The following IRAG2 variants were observed in gnomAD, a reference collection of about 807,000 sequenced individuals.
The protein encoded by IRAG2 is inositol 1,4,5-triphosphate receptor associated 2, also known as lymphoid restricted membrane protein.
In IRAG2, 45 loss-of-function variants were observed where a neutral mutation model predicts 69.9. The observed-to-expected ratio is 0.64, with a 90% CI of 0.51 to 0.83. The LOEUF (loss-of-function observed/expected upper bound fraction) is 0.83, where lower values mean the gene tolerates loss of function less well. Ranked by LOEUF, IRAG2 falls within the 40% of genes least tolerant of loss-of-function variation. The pLI is 0.00. For synonymous variants in IRAG2, 193 were observed against 202.4 expected, an observed-to-expected ratio of 0.95 and a Z score of 0.40; for missense variants, 520 against 587.0, an observed-to-expected ratio of 0.89 and a Z score of 1.18.
intron 9 of IRAG2, among the ~76,000 whole-genome samples, chr12:25,082,997 A>G (rs189351515): frequency 8.9e-4 from 135 of 152,294 alleles, no homozygotes; most frequent in African/African-American, 3.1e-3. Flanking sequence ...CATGTTTTAG[A>G]AGGATATCAT....
rs1591920320 is a variant in IRAG2 at position 25,004,466 on chromosome 12, A to G, written c.125A>G (p.Gln42Arg). 8.9e-6 allele frequency: 11 copies of G among 1,231,996 alleles called. No homozygotes were observed. In the East Asian group the frequency reaches 3.2e-4, roughly 35 times the overall value. The allele number at this position is 1,231,996 out of a possible 1,614,324, so 76.3% of individuals were successfully genotyped here. Residue 42 changes from glutamine (Q) to arginine (R), a missense_variant, in exon 1 of 39, where the codon CAA becomes CGA. By Grantham distance (43) the Gln-to-Arg change is conservative. Coordinates refer to the IRAG2 transcript ENST00000636465. Reference sequence around the variant, plus strand: ...CCAATTCAGCAGATTATCAAATACCAATCTAGCAGTTTTGATAGCCCACAG... The same window carrying G: ...CCAATTCAGCAGATTATCAAATACCGATCTAGCAGTTTTGATAGCCCACAG...
chr12:25,060,327 T>G (rs1945536414), intron 1 of IRAG2, among the ~76,000 whole-genome samples: 1 of 152,230 alleles, frequency 6.6e-6, no homozygotes, highest in South Asian at 2.1e-4. Flanking sequence ...TATGTTATTA[T>G]GTACATCAAA....
chr12:25,037,876 C>T (rs1944714301), intron 15 of IRAG2: 2 of 397,014 alleles, frequency 5.0e-6, no homozygotes, highest in Non-Finnish European at 8.9e-6. Flanking sequence ...TCCAGTATGC[C>T]ATTGAGATGG....
intron 3 of IRAG2, chr12:25,011,641 A>C (rs956381657): frequency 9.2e-6 from 8 of 865,288 alleles, no homozygotes; most frequent in African/African-American, 5.3e-5. Context: ...TGTTGATGGA[A>C]ATACTATTGT....
chr12:25,051,798 C>G (rs1944879355), upstream of IRAG2, among the ~76,000 whole-genome samples: 2 of 152,214 alleles, frequency 1.3e-5, no homozygotes, highest in South Asian at 4.1e-4. Flanking sequence ...AAACAAAGCT[C>G]TCTTTCCTTT....
chr12:25,055,086 C>A (rs1453896617), intron 1 of IRAG2, among the ~76,000 whole-genome samples: 1 of 152,190 alleles, frequency 6.6e-6, no homozygotes, highest in African/African-American at 2.4e-5. Context: ...GTATTTCAGA[C>A]AATTGTTTTC....
intron 6 of IRAG2, among the ~76,000 whole-genome samples, chr12:25,078,402 G>C (rs1946967836): frequency 6.6e-6 from 1 of 152,106 alleles, no homozygotes; most frequent in Non-Finnish European, 1.5e-5. Context: ...TGTTGGTTGT[G>C]ACAGTTAGTA....
At chr12:25,002,644 C>CT (rs747474830), upstream of IRAG2, among the ~76,000 whole-genome samples, 1,645 of 137,736 alleles carry the variant, frequency 0.012, 44 homozygotes, top group African/African-American at 0.04. Flanking sequence ...TCTTCTTCTT[C>CT]TTTTCTTTTT....
chr12:25,027,161 TAA>T (rs1309898673), intron 9 of IRAG2, among the ~76,000 whole-genome samples: 1 of 152,082 alleles, frequency 6.6e-6, no homozygotes, highest in Non-Finnish European at 1.5e-5. Context: ...AAATCAAGTT[TAA>T]AACATTCTCA....
exon 9 of IRAG2, chr12:25,026,804 A>G (rs1442193004): frequency 5.7e-6 from 7 of 1,226,188 alleles, no homozygotes; most frequent in African/African-American, 4.7e-5. Flanking sequence ...CAAGAACATC[A>G]TGGATATAGA....
At position 25,107,058 on chromosome 12, in the gene IRAG2, A is replaced by C. The variant is rs970195715; in HGVS notation, c.1256+8A>C. The C allele has an allele frequency of 1.6e-5, 23 of 1,464,190 alleles. No homozygotes were observed. The highest frequency in any genetic ancestry group is 2.2e-5 in the Non-Finnish European group (23 of 1,052,502). 90.7% of individuals were successfully genotyped at this position (1,464,190 alleles called of 1,614,324 possible). ...GTGGGATGTCTCTTCAGTGTAAGTT[A>C]TCTACTTGATAAATTCTACCATTTT... On this transcript the variant is annotated splice_region_variant and intron_variant, in intron 21 of 21. Coordinates refer to ENST00000556887, the MANE Select transcript of IRAG2 (RefSeq NM_001366544.2).
chr12:25,068,400 G>A (rs530860733), intron 5 of IRAG2, among the ~76,000 whole-genome samples: 5 of 152,302 alleles, frequency 3.3e-5, no homozygotes, highest in African/African-American at 1.2e-4. Context: ...CCAGCACATG[G>A]CTATGTTTTA....
At chr12:25,031,660 G>T (rs895832855) in intron 10 of IRAG2, among the ~76,000 whole-genome samples, 1 of 151,938 alleles carries the variant, frequency 6.6e-6, no homozygotes, top group Non-Finnish European at 1.5e-5. Flanking sequence ...GTGTGTGTGT[G>T]TTTGTTTTTG....
intron 1 of IRAG2, among the ~76,000 whole-genome samples, chr12:25,058,890 G>A (rs988927616): frequency 6.6e-6 from 1 of 152,214 alleles, no homozygotes; most frequent in Non-Finnish European, 1.5e-5. Context: ...AAAGCAGAAT[G>A]CAAAGGTGAA....
intron 1 of IRAG2, among the ~76,000 whole-genome samples, chr12:25,060,648 T>C (rs979553): frequency 0.29 from 43,747 of 148,796 alleles, 6,640 homozygotes; most frequent in Admixed American, 0.37. Context: ...TCAGACTGAA[T>C]GACCTCTAAA....
chr12:25,101,746 G>A (rs962334822), intron 16 of IRAG2, among the ~76,000 whole-genome samples: 8 of 152,128 alleles, frequency 5.3e-5, no homozygotes, highest in African/African-American at 1.9e-4. Context: ...TTGATGAACT[G>A]GAAAATAGAG....
At chr12:25,066,222 A>G (rs980501034) in intron 4 of IRAG2, 143 bp from the exon 5 acceptor site, 2 of 383,462 alleles carry the variant, frequency 5.2e-6, no homozygotes, top group African/African-American at 4.1e-5. Flanking sequence ...GTGATTAGGC[A>G]TCAAGGGAGT....
In IRAG2 at chr12:25,107,870, C is replaced by CTAAT. The variant is rs1949315627; in HGVS notation, c.1311_1314dup (p.Lys439Ter). ...AATCTCAAGTCCTCCATCAGAAAGGCTAATAAGGCCCTCTGGCTCTCTATT... is the reference window on the plus strand; with the variant it reads ...AATCTCAAGTCCTCCATCAGAAAGGCTAATTAATAAGGCCCTCTGGCTCTCTATT... On this transcript the variant is annotated frameshift_variant, in exon 22 of 22. Coordinates refer to ENST00000556887, the MANE Select transcript of IRAG2 (RefSeq NM_001366544.2). LOFTEE classifies it low-confidence loss of function (END_TRUNC). 3 of 1,613,988 alleles carry CTAAT rather than the reference C, an allele frequency of 1.9e-6. No homozygotes were observed. The highest frequency in any genetic ancestry group is 1.7e-5 in the Admixed American group (1 of 60,000).
chr12:24,999,525 A>T (rs1406705613), upstream of IRAG2, among the ~76,000 whole-genome samples: 1 of 152,256 alleles, frequency 6.6e-6, no homozygotes. Flanking sequence ...TAGCAACATA[A>T]GCAGTATCGA....
Sources: gnomAD v4.1 joint callset for allele counts (sites outside exome capture counted in the v4.1 genomes callset) on GRCh38, gnomAD v4.1.1 for gene constraint, MANE v1.5 for transcripts, NCBI Gene and HGNC (gene_info 2026-07-23, HGNC 2026-07-21) for gene names.